TCF4: variants seen among roughly 807,000 people sequenced by gnomAD.
The protein encoded by TCF4 is transcription factor 4, also known as SL3-3 enhancer factor 2.
A neutral mutation model predicts 82.1 loss-of-function variants in TCF4; 3 were observed. The ratio of observed to expected loss-of-function variants is 0.04; its 90% CI spans 0.02 to 0.09. The LOEUF (loss-of-function observed/expected upper bound fraction) is 0.09, where lower values mean the gene tolerates loss of function less well. TCF4 is among the 10% of genes least tolerant of loss of function. The probability of loss-of-function intolerance (pLI) is 1.00; values close to 1 mark genes in which losing one functional copy is unlikely to be tolerated. For synonymous variants in TCF4, 276 were observed against 309.6 expected, an observed-to-expected ratio of 0.89 and a Z score of 1.14; for missense variants, 518 against 852.7, an observed-to-expected ratio of 0.61 and a Z score of 4.89.
intron 9 of TCF4, 105 bp from the exon 10 acceptor site, chr18:55,275,857 T>A: frequency 1.4e-6 from 2 of 1,445,204 alleles, no homozygotes; most frequent in Non-Finnish European, 9.7e-7. Flanking sequence ...GTGTTATTCA[T>A]CTTTGTGTTG....
chr18:55,499,233 T>C (rs1290249381), intron 3 of TCF4, among the ~76,000 whole-genome samples: 2 of 152,212 alleles, frequency 1.3e-5, no homozygotes, highest in Non-Finnish European at 1.5e-5. Context: ...TCATCCTTAT[T>C]ACTTAGCCTT....
At chr18:55,405,858 C>A (rs963728336) in intron 5 of TCF4, among the ~76,000 whole-genome samples, 1 of 152,154 alleles carries the variant, frequency 6.6e-6, no homozygotes, top group African/African-American at 2.4e-5. Flanking sequence ...TCTTTACTAT[C>A]ATATCAGATA....
chr18:55,344,840 A>G (rs1290062657), intron 8 of TCF4, among the ~76,000 whole-genome samples: 1 of 152,128 alleles, frequency 6.6e-6, no homozygotes, highest in African/African-American at 2.4e-5. Flanking sequence ...TGGGGCATAC[A>G]ACCTTTTTGT....
chr18:55,527,415 T>C (rs192527523), intron 3 of TCF4, among the ~76,000 whole-genome samples: 1 of 152,168 alleles, frequency 6.6e-6, no homozygotes, highest in African/African-American at 2.4e-5. Flanking sequence ...ATTGTTTATA[T>C]GCATACAAGC....
chr18:55,632,537 C>A (rs1291315825), intron 1 of TCF4, among the ~76,000 whole-genome samples: 1 of 151,936 alleles, frequency 6.6e-6, no homozygotes, highest in Non-Finnish European at 1.5e-5. Context: ...AAAAGCAAAC[C>A]CAGGTTTAGG....
At chr18:55,458,707 T>C (rs56127529) in intron 5 of TCF4, among the ~76,000 whole-genome samples, 7,211 of 152,152 alleles carry the variant, frequency 0.047, 182 homozygotes, top group African/African-American at 0.06. Flanking sequence ...AGGCATCGGG[T>C]GTGTGAGAAA....
chr18:55,545,778 T>C (rs1227340966), intron 3 of TCF4, among the ~76,000 whole-genome samples: 1 of 152,238 alleles, frequency 6.6e-6, no homozygotes, highest in East Asian at 1.9e-4. Context: ...ACCCACTTAA[T>C]GTATTAAATA....
At chr18:55,302,698 G>C (rs2068712976) in intron 8 of TCF4, 9 of 1,306,702 alleles carry the variant, frequency 6.9e-6, no homozygotes, top group African/African-American at 1.5e-5. Context: ...AGACCGGGAG[G>C]AGGGCATGAA....
intron 3 of TCF4, among the ~76,000 whole-genome samples, chr18:55,470,090 A>G (rs997703349): frequency 5.3e-5 from 8 of 152,298 alleles, no homozygotes; most frequent in Non-Finnish European, 1.0e-4. Context: ...GACATACCCC[A>G]AAGTCAGTAT....
chr18:55,478,619 G>T (rs1252122335), intron 3 of TCF4, among the ~76,000 whole-genome samples: 1 of 151,996 alleles, frequency 6.6e-6, no homozygotes, highest in African/African-American at 2.4e-5. Flanking sequence ...GCAAGCTTCC[G>T]AAATGCAGAA....
At chr18:55,615,692 T>C (rs993129504) in intron 2 of TCF4, among the ~76,000 whole-genome samples, 1 of 152,144 alleles carries the variant, frequency 6.6e-6, no homozygotes, top group Admixed American at 6.5e-5. Context: ...TGTGGAAGTC[T>C]TCTTCTATTT....
At chr18:55,613,930 T>C (rs568335692) in intron 2 of TCF4, among the ~76,000 whole-genome samples, 1 of 152,318 alleles carries the variant, frequency 6.6e-6, no homozygotes, top group South Asian at 2.1e-4. Context: ...AGTTTTAGGC[T>C]ATTATTTATT....
rs143391768 is a variant in TCF4, at chr18:55,356,652, G to T, written c.370-5649C>A. ...CATTCGAACTCTTGCTACAGTATTG[G>T]TCACTGATAAATAACCTCAAATATG... On this transcript the variant is annotated intron_variant, in intron 6 of 19. Coordinates refer to ENST00000354452, the MANE Select transcript of TCF4 (RefSeq NM_001083962.2). 3.4e-3 allele frequency among the ~76,000 whole-genome samples: 515 copies of T among 152,188 alleles called. 5 individuals carry two copies. The highest frequency in any genetic ancestry group is 6.3e-3 in the Non-Finnish European group (427 of 67,990).
In TCF4 at chr18:55,441,658, T is replaced by C. The variant is rs192133955; in HGVS notation, c.304+19361A>G. On this transcript the variant is annotated intron_variant, in intron 5 of 19. Transcript: ENST00000354452. ...AATTTGTTATTTTCATTATAATGAA[T>C]AAAAATAGTAAAATAAGTACTACTA... Among the ~76,000 whole-genome samples the C allele has an allele frequency of 1.8e-4, 28 of 152,242 alleles. No individual in the cohort carries two copies. The East Asian group carries it at 5.4e-3, about 29-fold the overall frequency.
chr18:55,621,447 T>C (rs1384886077), intron 2 of TCF4, among the ~76,000 whole-genome samples: 1 of 107,758 alleles, frequency 9.3e-6, no homozygotes, highest in African/African-American at 3.5e-5. Context: ...AATATATATA[T>C]AATATATATA....
At chr18:55,489,585 A>G (rs1466620994) in intron 3 of TCF4, among the ~76,000 whole-genome samples, 1 of 152,142 alleles carries the variant, frequency 6.6e-6, no homozygotes, top group Non-Finnish European at 1.5e-5. Context: ...AGGGGAAACT[A>G]CCAAAAAAAA....
chr18:55,247,599 C>T (rs2053675682), intron 15 of TCF4, among the ~76,000 whole-genome samples: 1 of 152,200 alleles, frequency 6.6e-6, no homozygotes, highest in South Asian at 2.1e-4. Flanking sequence ...CCACTTGATC[C>T]TTTCTTAAGC....
rs919749178 is a variant in TCF4, at chr18:55,633,374, G to C, written c.196-1986C>G. Among the ~76,000 whole-genome samples, 1 of 152,088 alleles carries C rather than the reference G, an allele frequency of 6.6e-6. No individual in the cohort carries two copies. The highest frequency in any genetic ancestry group is 1.5e-5 in the Non-Finnish European group (1 of 68,020). ...CTGCTTGAGTGTCTTTATGATATGG[G>C]GGTTGGCTTCTTCCAGAATTAGTGA... On this transcript the variant is annotated intron_variant, in intron 1 of 20. Transcript: ENST00000398339. The surrounding 1 kb of genome is among the most constrained non-coding windows in gnomAD (Gnocchi z 4.0).
rs1408499365 is a variant in TCF4 at position 55,225,267 on chromosome 18, A to G, written c.*2768T>C. 5 of 152,626 alleles carry G rather than the reference A, an allele frequency of 3.3e-5. No homozygotes were observed. Among genetic ancestry groups the G allele is most frequent in the Non-Finnish European group, 7.4e-5 (5 of 68,008 alleles). The allele number at this position is 152,626 out of a possible 1,614,324, so 9.5% of individuals were successfully genotyped here. The stretch of plus-strand genomic sequence containing the variant: ...AATACATCAAAGCTGGTGAACAATA[A>G]ATTGCAGCTTTTACTCTGAGTGAGA... On this transcript the variant is annotated 3_prime_UTR_variant, in exon 20 of 20. Coordinates refer to ENST00000354452, the MANE Select transcript of TCF4 (RefSeq NM_001083962.2).
Sources: gnomAD v4.1 joint callset for allele counts (sites outside exome capture counted in the v4.1 genomes callset) on GRCh38, gnomAD v4.1.1 for gene constraint, Gnocchi (gnomAD v3.1) non-coding constraint, MANE v1.5 for transcripts, NCBI Gene and HGNC (gene_info 2026-07-23, HGNC 2026-07-21) for gene names.